Variants in ARHGAP6 observed in about 807,000 individuals in gnomAD.
The protein encoded by ARHGAP6 is rho GTPase-activating protein 6.
Under a neutral mutation model 55.7 loss-of-function variants are expected in ARHGAP6, and 16 were observed. The observed-to-expected ratio is 0.29, with a 90% confidence interval of 0.19 to 0.44. ARHGAP6 has a LOEUF of 0.44. ARHGAP6 is among the 20% of genes least tolerant of loss of function. ARHGAP6 has a pLI of 1.00. For missense variants in ARHGAP6, 698 were observed against 808.9 expected, an observed-to-expected ratio of 0.86 and a Z score of 1.66; for synonymous variants, 382 against 360.9, an observed-to-expected ratio of 1.06 and a Z score of -0.66.
chrX:11,343,565 T>C (rs1368887725), intron 1 of ARHGAP6, among the ~76,000 whole-genome samples: 3 of 112,205 alleles, frequency 2.7e-5, no homozygotes. Context: ...AGAAATTCTT[T>C]ACATTAATGA....
intron 2 of ARHGAP6, among the ~76,000 whole-genome samples, chrX:11,253,304 T>C (rs1320318679): frequency 1.8e-5 from 2 of 111,148 alleles, no homozygotes; most frequent in Non-Finnish European, 3.8e-5. Context: ...TATATGTGTA[T>C]ACATATATAT....
At chrX:11,301,277 T>C (rs2048172374) in intron 1 of ARHGAP6, among the ~76,000 whole-genome samples, 1 of 112,378 alleles carries the variant, frequency 8.9e-6, no homozygotes, top group African/African-American at 3.2e-5. Context: ...AAAAATGTTA[T>C]CAATGGAGCT....
chrX:11,199,125 T>C (rs2046584296), intron 2 of ARHGAP6, among the ~76,000 whole-genome samples: 1 of 112,281 alleles, frequency 8.9e-6, no homozygotes, highest in African/African-American at 3.2e-5. Flanking sequence ...AGATCATTCC[T>C]TTTGATTGCT....
At chrX:11,272,482 C>T (rs2047704113) in intron 1 of ARHGAP6, among the ~76,000 whole-genome samples, 1 of 110,074 alleles carries the variant, frequency 9.1e-6, no homozygotes, top group Non-Finnish European at 1.9e-5. Context: ...TCCCTCCCTC[C>T]TGCCTCCACT....
chrX:11,363,932 C>A (rs1160040009), intron 1 of ARHGAP6, among the ~76,000 whole-genome samples: 1 of 111,703 alleles, frequency 9.0e-6, no homozygotes, highest in Non-Finnish European at 1.9e-5. Context: ...CCATAATATT[C>A]CAAAGACATG....
At chrX:11,304,861 A>G (rs1411356111) in intron 1 of ARHGAP6, among the ~76,000 whole-genome samples, 3 of 86,360 alleles carry the variant, frequency 3.5e-5, no homozygotes, top group African/African-American at 1.4e-4. Context: ...ATCTCGGTTC[A>G]CTGCAATCAC....
At chrX:11,454,987 C>T (rs1385797951) in intron 1 of ARHGAP6, among the ~76,000 whole-genome samples, 2 of 110,641 alleles carry the variant, frequency 1.8e-5, no homozygotes, top group Non-Finnish European at 3.8e-5. Flanking sequence ...GGGGAGATGC[C>T]AGATCTTTAT....
At chrX:11,608,692 G>A (rs2052064757) in intron 1 of ARHGAP6, among the ~76,000 whole-genome samples, 1 of 111,240 alleles carries the variant, frequency 9.0e-6, no homozygotes, top group Non-Finnish European at 1.9e-5. Context: ...TGAATCATGG[G>A]GGCGGTTTCC....
chrX:11,594,855 T>C (rs2051881978), intron 1 of ARHGAP6, among the ~76,000 whole-genome samples: 1 of 112,097 alleles, frequency 8.9e-6, no homozygotes, highest in Non-Finnish European at 1.9e-5. Context: ...ACACCTGTAG[T>C]TTTCAATATT....
chrX:11,267,290 C>A (rs1429160007), intron 1 of ARHGAP6, among the ~76,000 whole-genome samples: 1 of 112,215 alleles, frequency 8.9e-6, no homozygotes, highest in Non-Finnish European at 1.9e-5. Context: ...GTAGTTCTGA[C>A]TGAGCACTTA....
chrX:11,328,963 C>CA (rs778235175), intron 1 of ARHGAP6, among the ~76,000 whole-genome samples: 5 of 111,574 alleles, frequency 4.5e-5, no homozygotes, highest in Admixed American at 2.9e-4. Flanking sequence ...CCCAGAGTTA[C>CA]AAAAAAATCT....
intron 1 of ARHGAP6, among the ~76,000 whole-genome samples, chrX:11,282,978 G>T (rs1385215072): frequency 2.7e-5 from 3 of 111,770 alleles, no homozygotes; most frequent in Non-Finnish European, 5.7e-5. Context: ...CCATGTTATG[G>T]TTTCAGACGT....
At chrX:11,525,741 C>T (rs2050982784) in intron 1 of ARHGAP6, among the ~76,000 whole-genome samples, 1 of 111,838 alleles carries the variant, frequency 8.9e-6, no homozygotes, top group Admixed American at 9.5e-5. Context: ...AGTTATTCAC[C>T]ATGTACTGTG....
chrX:11,556,294 C>T (rs1221358250), intron 1 of ARHGAP6, among the ~76,000 whole-genome samples: 2 of 111,602 alleles, frequency 1.8e-5, no homozygotes, highest in Non-Finnish European at 3.8e-5. Flanking sequence ...GGGCCAAGAT[C>T]CAACAACTTT....
In ARHGAP6 at chrX:11,530,409, C is replaced by T. The variant is rs73497038; in HGVS notation, c.588+133832G>A. 6.9e-3 allele frequency among the ~76,000 whole-genome samples: 773 copies of T among 112,315 alleles called. 9 individuals are homozygous for T. The highest frequency in any genetic ancestry group is 0.024 in the African/African-American group (734 of 30,995). ...AACTGTTATAAAGCAAAGTAAAACACGGACTCAACTTGCTATCTTCATCTA... is the reference window on the plus strand; with the variant it reads ...AACTGTTATAAAGCAAAGTAAAACATGGACTCAACTTGCTATCTTCATCTA... On this transcript the variant is annotated intron_variant, in intron 1 of 12. Coordinates refer to ENST00000337414, the MANE Select transcript of ARHGAP6 (RefSeq NM_013427.3).
At chrX:11,634,627 T>C (rs1047537773) in intron 1 of ARHGAP6, among the ~76,000 whole-genome samples, 3 of 111,868 alleles carry the variant, frequency 2.7e-5, no homozygotes, top group African/African-American at 9.7e-5. Context: ...ATCCTTACTA[T>C]GTGATTCTTT....
intron 1 of ARHGAP6, among the ~76,000 whole-genome samples, chrX:11,358,466 TTTCTTTCTTTCTTTCTTTC>T (rs1478746408): frequency 1.0e-5 from 1 of 96,275 alleles, no homozygotes; most frequent in African/African-American, 4.0e-5. Context: ...TCTTTCTTTC[TTTCTTTCTTTCTTTCTTTC>T]TTTTTTTTTT....
At chrX:11,178,874 T>C (rs1174290718) in intron 7 of ARHGAP6, among the ~76,000 whole-genome samples, 1 of 111,738 alleles carries the variant, frequency 8.9e-6, no homozygotes, top group Admixed American at 9.5e-5. Context: ...AGCAGCTATG[T>C]TGAAAGCCCT....
intron 3 of ARHGAP6, among the ~76,000 whole-genome samples, chrX:11,190,460 G>GATATATATATATATATATAT (rs535056484): frequency 1.3e-5 from 1 of 76,972 alleles, no homozygotes; most frequent in African/African-American, 5.4e-5. Flanking sequence ...ACCCTGAGGA[G>GATATATATATATATATATAT]ATATATATAT....
Sources: allele counts gnomAD v4.1 joint callset (sites outside exome capture counted in the v4.1 genomes callset), GRCh38; gene constraint gnomAD v4.1.1; transcripts MANE v1.5; gene names NCBI Gene and HGNC (gene_info 2026-07-23, HGNC 2026-07-21).